Variants in TTC17 observed in about 807,000 individuals in gnomAD.
The protein encoded by TTC17 is tetratricopeptide repeat domain 17.
In TTC17, 58 loss-of-function variants were observed where a neutral mutation model predicts 143.8. The ratio of observed to expected loss-of-function variants is 0.40; its 90% CI spans 0.33 to 0.50. TTC17 has a LOEUF of 0.50. Among genes scored for constraint, TTC17 ranks in the 20% least tolerant of loss-of-function variants. TTC17 has a pLI of 0.49. For synonymous variants in TTC17, 501 were observed against 497.8 expected, an observed-to-expected ratio of 1.01 and a Z score of -0.09; for missense variants, 1,273 against 1,392.5, an observed-to-expected ratio of 0.91 and a Z score of 1.37.
At chr11:43,438,104 G>C (rs932951437) in intron 16 of TTC17, among the ~76,000 whole-genome samples, 2 of 152,202 alleles carry the variant, frequency 1.3e-5, no homozygotes, top group Non-Finnish European at 2.9e-5. Context: ...CTTCAAATCA[G>C]ATCACTGCCT....
At position 43,405,964 on chromosome 11, in the gene TTC17, T is replaced by G; in HGVS notation, c.1761+13T>G. ...CCATGCACGAAAAGTAAGGCTCACT[T>G]AGGCTGGTATTTATTGCCGTCCATT... On this transcript the variant is annotated intron_variant, in intron 13 of 23. Coordinates refer to ENST00000039989, the MANE Select transcript of TTC17 (RefSeq NM_018259.6). The G allele has an allele frequency of 6.2e-7, 1 of 1,608,484 alleles. No homozygotes were observed. Among genetic ancestry groups the G allele is most frequent in the Non-Finnish European group, 8.5e-7 (1 of 1,178,386 alleles).
chr11:43,418,364 A>G (rs1183423812), intron 16 of TTC17, among the ~76,000 whole-genome samples: 2 of 152,146 alleles, frequency 1.3e-5, no homozygotes, highest in Admixed American at 1.3e-4. Flanking sequence ...AACTTAATAC[A>G]TTGATTTTTT....
intron 18 of TTC17, chr11:43,447,687 C>A: frequency 4.7e-6 from 1 of 212,610 alleles, no homozygotes; most frequent in Non-Finnish European, 9.3e-6. Flanking sequence ...TACAGAGGGG[C>A]AAAAATTAAG....
chr11:43,446,738 C>T (rs1454427973), intron 18 of TTC17: 1 of 915,822 alleles, frequency 1.1e-6, no homozygotes, highest in Non-Finnish European at 1.3e-6. Flanking sequence ...CTCCTTCCTG[C>T]CTATTCCATT....
chr11:43,471,948 G>C (rs371474997), intron 21 of TTC17, among the ~76,000 whole-genome samples: 2 of 152,122 alleles, frequency 1.3e-5, no homozygotes, highest in African/African-American at 4.8e-5. Flanking sequence ...AATATAAAAG[G>C]ACTAAGTACT....
chr11:43,429,518 G>C (rs985310916), intron 16 of TTC17, among the ~76,000 whole-genome samples: 5 of 152,104 alleles, frequency 3.3e-5, no homozygotes, highest in Admixed American at 2.6e-4. Context: ...AAGTAATTTT[G>C]TATAACAGTG....
intron 2 of TTC17, among the ~76,000 whole-genome samples, chr11:43,385,381 A>T (rs1857131055): frequency 6.6e-6 from 1 of 152,186 alleles, no homozygotes; most frequent in South Asian, 2.1e-4. Flanking sequence ...ATCACAGTGC[A>T]ATTAAGTTAA....
At chr11:43,426,945 T>C (rs927469015) in intron 16 of TTC17, among the ~76,000 whole-genome samples, 6 of 152,128 alleles carry the variant, frequency 3.9e-5, no homozygotes, top group African/African-American at 1.4e-4. Flanking sequence ...TGTTAAAGAG[T>C]TGTGTAATGT....
intron 15 of TTC17, among the ~76,000 whole-genome samples, chr11:43,414,343 G>A (rs1457758841): frequency 6.6e-6 from 1 of 152,070 alleles, no homozygotes; most frequent in Non-Finnish European, 1.5e-5. Context: ...CAGTGTGGCG[G>A]TTACAGGGGT....
At chr11:43,479,356 G>A (rs930993085) in intron 21 of TTC17, among the ~76,000 whole-genome samples, 2 of 152,136 alleles carry the variant, frequency 1.3e-5, no homozygotes, top group South Asian at 4.2e-4. Flanking sequence ...AAATGAGTAG[G>A]TAAATTTAAA....
At chr11:43,376,559 CT>C (rs1856769956) in intron 1 of TTC17, among the ~76,000 whole-genome samples, 1 of 152,080 alleles carries the variant, frequency 6.6e-6, no homozygotes, top group African/African-American at 2.4e-5. Flanking sequence ...TCATTATGTC[CT>C]TTTTAACCTA....
In TTC17 at chr11:43,407,396, A is replaced by G. The variant is rs1858192589; in HGVS notation, c.1883A>G (p.Tyr628Cys). ...CTCATACTCAATGAAGCTGGACTATACTGGAGAGCAGTAGGAAATAGCACT... is the reference window on the plus strand; with the variant it reads ...CTCATACTCAATGAAGCTGGACTATGCTGGAGAGCAGTAGGAAATAGCACT... Reference protein sequence around the residue: ...IWLILNEAGLYWRAVGNSTFA... With the variant: ...IWLILNEAGLCWRAVGNSTFA... Residue 628 changes from tyrosine to cysteine, a missense_variant, in exon 15 of 24, where the codon TAC becomes TGC. By Grantham distance (194) the Tyr-to-Cys change is radical. Around this residue, in one of 3 missense-constraint regions of TTC17, gnomAD observed 878 missense variants for 899.8 expected, o/e 0.98. Transcript: ENST00000039989. The G allele has an allele frequency of 1.9e-6, 3 of 1,613,982 alleles. No individual in the cohort carries two copies. The highest frequency in any genetic ancestry group is 2.5e-6 in the Non-Finnish European group (3 of 1,179,978).
chr11:43,391,440 A>G, intron 3 of TTC17, 25 bp from the exon 4 acceptor site: 4 of 1,354,464 alleles, frequency 3.0e-6, no homozygotes, highest in Non-Finnish European at 4.2e-6. Flanking sequence ...CCTTTTATTC[A>G]TTCATTGCTT....
chr11:43,461,313 A>G (rs1947861475), intron 21 of TTC17, among the ~76,000 whole-genome samples: 1 of 146,078 alleles, frequency 6.8e-6, no homozygotes, highest in Non-Finnish European at 1.5e-5. Context: ...GAACCCGGGA[A>G]GCGGAGCTTG....
intron 16 of TTC17, among the ~76,000 whole-genome samples, chr11:43,430,717 A>G (rs866293407): frequency 8.1e-4 from 109 of 135,330 alleles, no homozygotes; most frequent in Middle Eastern, 7.7e-3. Flanking sequence ...ACGCACACAC[A>G]CACACACACA....
intron 21 of TTC17, among the ~76,000 whole-genome samples, chr11:43,455,410 C>A (rs1487235916): frequency 2.6e-5 from 4 of 151,854 alleles, no homozygotes; most frequent in African/African-American, 9.7e-5. Context: ...AGAAACAATG[C>A]ATCCAAAAGT....
At chr11:43,369,780 C>A (rs1856491912) in intron 1 of TTC17, among the ~76,000 whole-genome samples, 1 of 152,068 alleles carries the variant, frequency 6.6e-6, no homozygotes, top group Non-Finnish European at 1.5e-5. Context: ...CCACACCTGG[C>A]TAATTGTTGT....
chr11:43,383,519 A>ATT (rs779691168), intron 2 of TTC17, among the ~76,000 whole-genome samples: 6 of 138,578 alleles, frequency 4.3e-5, no homozygotes, highest in Admixed American at 7.3e-5. Context: ...CGCCTGGCTA[A>ATT]TTTTTTTTTT....
intron 16 of TTC17, among the ~76,000 whole-genome samples, chr11:43,432,854 T>A (rs2134687245): frequency 6.6e-6 from 1 of 152,342 alleles, no homozygotes; most frequent in Middle Eastern, 3.4e-3. Context: ...TTTAAGTTCT[T>A]CTGAAATACT....
Sources: gnomAD v4.1 joint callset for allele counts (sites outside exome capture counted in the v4.1 genomes callset) on GRCh38, gnomAD v4.1.1 for gene constraint, gnomAD v4.1.1 regional missense constraint, MANE v1.5 for transcripts, NCBI Gene and HGNC (gene_info 2026-07-23, HGNC 2026-07-21) for gene names.